Variants in DOK6 observed in about 807,000 individuals in gnomAD.
The protein encoded by DOK6 is downstream of tyrosine kinase 6.
A neutral mutation model predicts 44.0 loss-of-function variants in DOK6; 22 were observed. The observed-to-expected ratio is 0.50, with a 90% confidence interval of 0.36 to 0.71. The LOEUF is 0.71. DOK6 is among the 30% of genes least tolerant of loss of function. DOK6 has a pLI of 0.00. For synonymous variants in DOK6, 166 were observed against 145.5 expected (o/e 1.14, Z -1.01); for missense variants, 340 against 416.4 (o/e 0.82, Z 1.60).
intron 7 of DOK6, among the ~76,000 whole-genome samples, chr18:69,823,089 CTCTA>C (rs1445614692): frequency 2.0e-5 from 3 of 152,316 alleles, no homozygotes; most frequent in Non-Finnish European, 4.4e-5. Flanking sequence ...TTGTGTTCCA[CTCTA>C]TCTGTGTACA....
intron 1 of DOK6, among the ~76,000 whole-genome samples, chr18:69,455,239 G>A (rs930372603): frequency 3.3e-5 from 5 of 149,310 alleles, no homozygotes; most frequent in Middle Eastern, 3.5e-3. Flanking sequence ...ATGTGTAAAA[G>A]CACAGAACAT....
intron 7 of DOK6, among the ~76,000 whole-genome samples, chr18:69,758,353 C>A (rs1285032070): frequency 6.6e-6 from 1 of 152,086 alleles, no homozygotes; most frequent in Admixed American, 6.6e-5. Flanking sequence ...AGAAACCATT[C>A]GGAAAGGGTG....
At chr18:69,639,060 C>A (rs1486656590) in intron 3 of DOK6, among the ~76,000 whole-genome samples, 1 of 152,098 alleles carries the variant, frequency 6.6e-6, no homozygotes, top group African/African-American at 2.4e-5. Flanking sequence ...GGGACAGAAA[C>A]TGAAGACTTT....
intron 1 of DOK6, among the ~76,000 whole-genome samples, chr18:69,503,665 A>G (rs1981106814): frequency 6.6e-6 from 1 of 152,038 alleles, no homozygotes; most frequent in Non-Finnish European, 1.5e-5. Context: ...TAAAAATAAG[A>G]TATTTTGCTT....
chr18:69,410,237 T>C (rs910899857), intron 1 of DOK6, among the ~76,000 whole-genome samples: 2 of 152,230 alleles, frequency 1.3e-5, no homozygotes, highest in Admixed American at 6.5e-5. Flanking sequence ...AAACAATCAC[T>C]GTCAACCACG....
intron 3 of DOK6, among the ~76,000 whole-genome samples, chr18:69,617,959 G>A (rs1984351469): frequency 6.6e-6 from 1 of 152,154 alleles, no homozygotes; most frequent in South Asian, 2.1e-4. Flanking sequence ...TTTAGTGTCA[G>A]CCCTAAATAC....
At chr18:69,523,362 ATTTTAAG>A (rs945319892) in intron 1 of DOK6, among the ~76,000 whole-genome samples, 3 of 152,104 alleles carry the variant, frequency 2.0e-5, no homozygotes, top group Admixed American at 1.3e-4. Flanking sequence ...ATACTGACAT[ATTTTAAG>A]TTTTATGTTC....
chr18:69,429,663 A>ATATATATC (rs5825937), intron 1 of DOK6, among the ~76,000 whole-genome samples: 80 of 110,086 alleles, frequency 7.3e-4, no homozygotes, highest in Non-Finnish European at 1.1e-3. Flanking sequence ...ATATATATAT[A>ATATATATC]TCTTATTAAT....
chr18:69,448,045 A>C (rs1282655880), intron 1 of DOK6, among the ~76,000 whole-genome samples: 1 of 152,152 alleles, frequency 6.6e-6, no homozygotes, highest in Non-Finnish European at 1.5e-5. Flanking sequence ...TAGCAATTGC[A>C]TTGCTCATTT....
chr18:69,465,496 C>A (rs1482966998), intron 1 of DOK6, among the ~76,000 whole-genome samples: 1 of 151,912 alleles, frequency 6.6e-6, no homozygotes, highest in African/African-American at 2.4e-5. Context: ...GTGATGTTCC[C>A]CTTCCTGTGT....
chr18:69,463,125 G>T (rs1332830771), intron 1 of DOK6, among the ~76,000 whole-genome samples: 4 of 152,090 alleles, frequency 2.6e-5, no homozygotes, highest in Non-Finnish European at 5.9e-5. Flanking sequence ...GTCTAGTGAG[G>T]GCCTGCTTCC....
intron 5 of DOK6, among the ~76,000 whole-genome samples, chr18:69,713,643 A>G (rs1376584279): frequency 2.0e-5 from 3 of 152,226 alleles, no homozygotes; most frequent in Admixed American, 6.5e-5. Context: ...TATTTAAGTA[A>G]AACGGCCTCT....
At chr18:69,754,787 T>C (rs375570626) in intron 6 of DOK6, among the ~76,000 whole-genome samples, 12 of 152,354 alleles carry the variant, frequency 7.9e-5, no homozygotes, top group African/African-American at 2.9e-4. Context: ...CCCACACTTA[T>C]ATCTTCCCTT....
At chr18:69,530,089 T>C (rs1046153389) in intron 1 of DOK6, among the ~76,000 whole-genome samples, 1 of 152,174 alleles carries the variant, frequency 6.6e-6, no homozygotes, top group Non-Finnish European at 1.5e-5. Context: ...TTATTATTGT[T>C]ATTATTAATA....
Position 69,688,910 on chromosome 18 carries a change from A to ATGGTGTG in DOK6, c.410-9494_410-9493insTGGTGTG, listed in dbSNP as rs1160889733. Among the ~76,000 whole-genome samples the ATGGTGTG allele has an allele frequency of 7.2e-5, 11 of 152,332 alleles. 1 individual carries two copies. The highest frequency in any genetic ancestry group is 2.6e-4 in the African/African-American group (11 of 41,574). On this transcript the variant is annotated intron_variant, in intron 4 of 7. Transcript: ENST00000382713. ...AAATGATGAACCTGAACCCCTATGCACACCACAGTTAAACATCAATTTAAG... is the reference window on the plus strand; with the variant it reads ...AAATGATGAACCTGAACCCCTATGCATGGTGTGCACCACAGTTAAACATCAATTTAAG...
At chr18:69,505,003 C>T (rs890863063) in intron 1 of DOK6, among the ~76,000 whole-genome samples, 7 of 152,142 alleles carry the variant, frequency 4.6e-5, no homozygotes, top group Non-Finnish European at 1.0e-4. Flanking sequence ...TTTCACGTAA[C>T]GTTTATGATT....
chr18:69,522,186 T>C lies in DOK6; in HGVS notation c.67-42301T>C, dbSNP rs79513226. Among the ~76,000 whole-genome samples the C allele has an allele frequency of 1.1e-3, 160 of 151,720 alleles. 2 individuals carry two copies. In the East Asian group the frequency reaches 0.029, roughly 27 times the overall value. On this transcript the variant is annotated intron_variant, in intron 1 of 7. Transcript: ENST00000382713. ...ATGTTTGCGTGCCATTTACTAACAG[T>C]ATATTGTTGGTTCAAAACAAACCAC...
chr18:69,639,002 A>G (rs553273795), intron 3 of DOK6, among the ~76,000 whole-genome samples: 19 of 152,202 alleles, frequency 1.2e-4, no homozygotes, highest in African/African-American at 4.1e-4. Flanking sequence ...TTCTTTTTTT[A>G]TAGCTGAAGA....
At position 69,403,486 on chromosome 18, in the gene DOK6, G is replaced by A. The variant is rs542768728; in HGVS notation, c.66+2176G>A. ...GTTCACTGTTTAGAGCTTTGCCTTT[G>A]TAAAGTGCAGCCTTCATAGAAAACA... On this transcript the variant is annotated intron_variant, in intron 1 of 7. Coordinates refer to ENST00000382713, the MANE Select transcript of DOK6 (RefSeq NM_152721.6). Among the ~76,000 whole-genome samples the A allele has an allele frequency of 2.6e-5, 4 of 152,278 alleles. 1 individual carries two copies. The highest frequency in any genetic ancestry group is 3.4e-3 in the Middle Eastern group (1 of 294).
Sources: allele counts gnomAD v4.1 joint callset (sites outside exome capture counted in the v4.1 genomes callset), GRCh38; gene constraint gnomAD v4.1.1; transcripts MANE v1.5; gene names NCBI Gene and HGNC (gene_info 2026-07-23, HGNC 2026-07-21).